SUMF1: variants seen among roughly 807,000 people sequenced by gnomAD.
The protein encoded by SUMF1 is sulfatase modifying factor 1.
A neutral mutation model predicts 47.6 loss-of-function variants in SUMF1; 48 were observed. The observed-to-expected ratio is 1.01, with a 90% CI of 0.80 to 1.28. The LOEUF (loss-of-function observed/expected upper bound fraction) is 1.28, where lower values mean the gene tolerates loss of function less well. Ranked by LOEUF, SUMF1 falls within the 50% of genes most tolerant of loss-of-function variation. SUMF1 has a pLI of 0.00. For synonymous variants in SUMF1, 230 were observed against 192.1 expected (o/e 1.20, Z -1.63); for missense variants, 571 against 485.4 (o/e 1.18, Z -1.66).
In SUMF1 at chr3:4,090,104, A is replaced by T. The variant is rs116155651; in HGVS notation, c.1015-21359T>A. Among the ~76,000 whole-genome samples the T allele has an allele frequency of 2.4e-3, 362 of 152,290 alleles. 5 individuals are homozygous for T. The highest frequency in any genetic ancestry group is 8.2e-3 in the African/African-American group (339 of 41,542). ...CACTAGCACAGTGCCTGGCCATAGC[A>T]GGTGCTTCATTAATATTTGGTAAAT... is the stretch of plus-strand genomic sequence containing the variant. On this transcript the variant is annotated intron_variant and NMD_transcript_variant, in intron 8 of 12. Coordinates refer to the SUMF1 transcript ENST00000448413.
intron 8 of SUMF1, among the ~76,000 whole-genome samples, chr3:4,278,100 G>A (rs1697455928): frequency 6.6e-6 from 1 of 152,030 alleles, no homozygotes; most frequent in African/African-American, 2.4e-5. Context: ...TTGTTTGGCT[G>A]ATATTTTTGG....
chr3:4,228,075 G>C (rs926844815), intron 8 of SUMF1, among the ~76,000 whole-genome samples: 10 of 152,030 alleles, frequency 6.6e-5, no homozygotes, highest in Admixed American at 6.6e-4. Flanking sequence ...AAAAGCAGAA[G>C]GGGTGTGGTG....
At chr3:4,441,130 C>T (rs1392251523) in intron 3 of SUMF1, among the ~76,000 whole-genome samples, 2 of 152,178 alleles carry the variant, frequency 1.3e-5, no homozygotes, top group East Asian at 3.8e-4. Flanking sequence ...TCTGTATTTA[C>T]AGCCCGCTCC....
chr3:4,163,617 G>C (rs190815120), intron 8 of SUMF1, among the ~76,000 whole-genome samples: 1 of 151,144 alleles, frequency 6.6e-6, no homozygotes, highest in East Asian at 2.0e-4. Flanking sequence ...CAGTCTTCCA[G>C]CTCCTTTGTA....
At chr3:4,301,540 CAAG>C (rs1697965509) in intron 8 of SUMF1, among the ~76,000 whole-genome samples, 2 of 152,082 alleles carry the variant, frequency 1.3e-5, no homozygotes, top group Non-Finnish European at 2.9e-5. Context: ...AAAGTCCAAG[CAAG>C]AAATGAGAGA....
chr3:4,417,334 G>T (rs1701747074), intron 5 of SUMF1, 92 bp from the exon 6 acceptor site: 1 of 994,434 alleles, frequency 1.0e-6, no homozygotes, highest in Non-Finnish European at 1.6e-6. Flanking sequence ...AGAGAACATT[G>T]CTTGCTTGTT....
intron 8 of SUMF1, chr3:4,303,925 A>G: frequency 1.7e-6 from 2 of 1,178,018 alleles, no homozygotes; most frequent in Non-Finnish European, 2.2e-6. Context: ...GCATAAAAAC[A>G]GCCCCTCGAG....
chr3:4,045,101 T>G (rs1276065132), intron 9 of SUMF1, among the ~76,000 whole-genome samples: 1 of 152,190 alleles, frequency 6.6e-6, no homozygotes, highest in African/African-American at 2.4e-5. Flanking sequence ...TAGGTGTTTC[T>G]GCAAAGGTGT....
intron 8 of SUMF1, among the ~76,000 whole-genome samples, chr3:4,274,591 T>C (rs1234219875): frequency 1.3e-5 from 2 of 152,176 alleles, no homozygotes; most frequent in African/African-American, 2.4e-5. Context: ...TACTTTGCAA[T>C]TGTCTTTTTG....
intron 3 of SUMF1, among the ~76,000 whole-genome samples, chr3:4,431,840 G>A (rs759189872): frequency 1.3e-5 from 2 of 152,108 alleles, no homozygotes; most frequent in Non-Finnish European, 2.9e-5. Flanking sequence ...ATAATTAAGA[G>A]CATCCCATTT....
At chr3:4,382,614 T>C (rs1264234346) in intron 7 of SUMF1, among the ~76,000 whole-genome samples, 1 of 152,188 alleles carries the variant, frequency 6.6e-6, no homozygotes. Context: ...TAAAGACACA[T>C]GCACACATAT....
At chr3:4,157,802 C>T (rs1346962351) in intron 8 of SUMF1, among the ~76,000 whole-genome samples, 4 of 151,572 alleles carry the variant, frequency 2.6e-5, no homozygotes, top group Admixed American at 6.6e-5. Context: ...TTACAACAGA[C>T]ATAGGCTGTA....
chr3:4,163,169 A>T (rs1694617796), intron 8 of SUMF1, among the ~76,000 whole-genome samples: 1 of 151,100 alleles, frequency 6.6e-6, no homozygotes, highest in Non-Finnish European at 1.5e-5. Context: ...TGTAGCCTCC[A>T]CTCTTCTCCC....
intron 8 of SUMF1, chr3:4,317,062 A>G: frequency 6.5e-6 from 10 of 1,549,294 alleles, no homozygotes; most frequent in Non-Finnish European, 7.0e-6. Context: ...CCAACCAACT[A>G]CCACGTCTTT....
chr3:4,227,600 C>T (rs542899727), intron 8 of SUMF1, among the ~76,000 whole-genome samples: 1 of 152,242 alleles, frequency 6.6e-6, no homozygotes, highest in East Asian at 1.9e-4. Context: ...CACACTCTCC[C>T]TAATCCAGGC....
intron 8 of SUMF1, among the ~76,000 whole-genome samples, chr3:4,337,236 TCCTTCCCTCCTTCCCTCTCTC>T (rs1424897540): frequency 2.3e-5 from 3 of 130,806 alleles, no homozygotes; most frequent in Admixed American, 7.9e-5. Flanking sequence ...CTTCCTTACT[TCCTTCCCTCCTTCCCTCTCTC>T]CCTCACTCCC....
chr3:4,042,700 T>A (rs1694929904), intron 9 of SUMF1, among the ~76,000 whole-genome samples: 2 of 152,226 alleles, frequency 1.3e-5, no homozygotes, highest in Non-Finnish European at 2.9e-5. Flanking sequence ...TCTCATGCAC[T>A]ATTCCCAAAT....
At chr3:4,106,673 T>C (rs1693165545) in intron 8 of SUMF1, among the ~76,000 whole-genome samples, 1 of 152,142 alleles carries the variant, frequency 6.6e-6, no homozygotes, top group Non-Finnish European at 1.5e-5. Flanking sequence ...AGTCAAACCC[T>C]GGAGAAATCA....
intron 9 of SUMF1, among the ~76,000 whole-genome samples, chr3:4,046,718 ATC>A (rs1385661902): frequency 6.6e-6 from 1 of 152,008 alleles, no homozygotes; most frequent in Non-Finnish European, 1.5e-5. Context: ...CTCCATCACT[ATC>A]TCTCAATTAG....
Sources: allele counts gnomAD v4.1 joint callset (sites outside exome capture counted in the v4.1 genomes callset), GRCh38; gene constraint gnomAD v4.1.1; transcripts MANE v1.5; gene names NCBI Gene and HGNC (gene_info 2026-07-23, HGNC 2026-07-21).